The following GPHN variants were observed in gnomAD, a reference collection of about 807,000 sequenced individuals.
GPHN encodes gephyrin.
A neutral mutation model predicts 95.5 loss-of-function variants in GPHN; 17 were observed. That is an observed-to-expected ratio of 0.18 (90% CI 0.12 to 0.27). The LOEUF (loss-of-function observed/expected upper bound fraction) is 0.27. Ranked by LOEUF, GPHN falls within the 10% of genes least tolerant of loss-of-function variation. The pLI is 1.00. For missense variants in GPHN, 660 were observed against 978.1 expected (o/e 0.67, Z 4.34); for synonymous variants, 320 against 322.5 (o/e 0.99, Z 0.08).
At chr14:67,421,181 C>G in the GPHN span, among the ~76,000 whole-genome samples, 1 of 152,200 alleles carries the variant, frequency 6.6e-6, no homozygotes, top group Non-Finnish European at 1.5e-5. Context: ...AGAATGAAAA[C>G]AGGCACAGGG....
chr14:66,868,942 A>G (rs1178250102), intron 4 of GPHN, among the ~76,000 whole-genome samples: 1 of 152,206 alleles, frequency 6.6e-6, no homozygotes, highest in Non-Finnish European at 1.5e-5. Flanking sequence ...AGAAGTTTGC[A>G]ACTTTCATAT....
chr14:66,702,483 C>T (rs1341396988), intron 2 of GPHN, among the ~76,000 whole-genome samples: 1 of 152,170 alleles, frequency 6.6e-6, no homozygotes, highest in East Asian at 1.9e-4. Context: ...CTTGAGACAT[C>T]TCCAGATGTG....
intron 2 of GPHN, among the ~76,000 whole-genome samples, chr14:66,704,466 A>G (rs1373869331): frequency 6.6e-6 from 1 of 152,170 alleles, no homozygotes; most frequent in Non-Finnish European, 1.5e-5. Flanking sequence ...ACAGTCTCTC[A>G]CACCACAAGG....
downstream of GPHN, among the ~76,000 whole-genome samples, chr14:67,185,588 A>G (rs556352474): frequency 4.6e-5 from 7 of 152,326 alleles, no homozygotes; most frequent in Admixed American, 1.3e-4. Context: ...ATAGCTGTGT[A>G]AAAAAGTTAA....
At chr14:67,110,849 A>G (rs1166108844) in intron 14 of GPHN, among the ~76,000 whole-genome samples, 1 of 152,220 alleles carries the variant, frequency 6.6e-6, no homozygotes, top group African/African-American at 2.4e-5. Flanking sequence ...TATTAAGTGT[A>G]TGTCAGTTCT....
At chr14:67,193,579 ATATAGATATAGATATATATC>A in the GPHN span, among the ~76,000 whole-genome samples, 1 of 145,260 alleles carries the variant, frequency 6.9e-6, no homozygotes, top group African/African-American at 2.5e-5. Context: ...ATAGATCTAT[ATATAGATATAGATATATATC>A]TATAGATATA....
intron 1 of GPHN, among the ~76,000 whole-genome samples, chr14:66,620,655 C>G (rs1175791202): frequency 6.6e-6 from 1 of 152,124 alleles, no homozygotes; most frequent in African/African-American, 2.4e-5. Context: ...ACAGCCAAAC[C>G]ATATCAGTCT....
At chr14:66,926,577 TC>T (rs2066494923) in intron 8 of GPHN, among the ~76,000 whole-genome samples, 1 of 152,228 alleles carries the variant, frequency 6.6e-6, no homozygotes, top group African/African-American at 2.4e-5. Context: ...TGGATTTGTT[TC>T]TAGGTTCTCT....
the GPHN span, among the ~76,000 whole-genome samples, chr14:67,205,374 C>G: frequency 6.6e-6 from 1 of 152,166 alleles, no homozygotes; most frequent in East Asian, 1.9e-4. Flanking sequence ...GACTCTCAAC[C>G]TGCGGCTCAT....
chr14:67,721,674 C>T, the GPHN span, among the ~76,000 whole-genome samples: 1 of 151,828 alleles, frequency 6.6e-6, no homozygotes, highest in Non-Finnish European at 1.5e-5. Context: ...CTCTTATATA[C>T]TGTTTAGCAT....
At chr14:67,324,613 C>T in the GPHN span, among the ~76,000 whole-genome samples, 162 of 152,090 alleles carry the variant, frequency 1.1e-3, no homozygotes, top group African/African-American at 3.7e-3. Flanking sequence ...GAAATAGGGT[C>T]TTACTCTATT....
chr14:66,776,602 A>G (rs1595869795), intron 3 of GPHN, 81 bp downstream of exon 3: 3 of 828,500 alleles, frequency 3.6e-6, no homozygotes, highest in East Asian at 4.8e-5. Flanking sequence ...TCTTTATGCC[A>G]TTGATATTTG....
chr14:67,158,740 A>C (rs1272249826), intron 18 of GPHN, among the ~76,000 whole-genome samples: 2 of 152,180 alleles, frequency 1.3e-5, no homozygotes, highest in Non-Finnish European at 2.9e-5. Context: ...TTGTAATATC[A>C]CTGTGGGTTG....
At chr14:66,624,712 G>A (rs889700922) in intron 1 of GPHN, among the ~76,000 whole-genome samples, 2 of 152,160 alleles carry the variant, frequency 1.3e-5, no homozygotes, top group Non-Finnish European at 1.5e-5. Context: ...ATTTTTTAAA[G>A]CATTGGGGGA....
intron 10 of GPHN, among the ~76,000 whole-genome samples, chr14:67,054,614 A>G (rs1233951395): frequency 1.3e-5 from 2 of 152,204 alleles, no homozygotes; most frequent in East Asian, 3.8e-4. Context: ...TAAAGTTCAT[A>G]TGGAACCAAA....
chr14:67,670,077 G>T, the GPHN span, among the ~76,000 whole-genome samples: 2 of 152,130 alleles, frequency 1.3e-5, no homozygotes, highest in African/African-American at 4.8e-5. Flanking sequence ...CCTGGATGAC[G>T]GGAGACAGGA....
intron 5 of GPHN, among the ~76,000 whole-genome samples, chr14:66,885,361 T>G (rs1332879231): frequency 6.6e-6 from 1 of 152,164 alleles, no homozygotes; most frequent in East Asian, 1.9e-4. Context: ...TGGAAAAGAC[T>G]TGACTAGTAG....
chr14:67,302,872 G>C, the GPHN span, among the ~76,000 whole-genome samples: 2,690 of 152,124 alleles, frequency 0.018, 44 homozygotes, highest in Non-Finnish European at 0.03. Context: ...TAGCCACTTG[G>C]GAAACAGTAA....
the GPHN span, among the ~76,000 whole-genome samples, chr14:67,469,018 G>A: frequency 6.6e-6 from 1 of 151,948 alleles, no homozygotes; most frequent in African/African-American, 2.4e-5. Context: ...GTTTCATTTT[G>A]CTTGCCTCTT....
Sources: gnomAD v4.1 joint callset for allele counts (sites outside exome capture counted in the v4.1 genomes callset) on GRCh38, gnomAD v4.1.1 for gene constraint, MANE v1.5 for transcripts, NCBI Gene and HGNC (gene_info 2026-07-23, HGNC 2026-07-21) for gene names.